DDR2: variants seen among roughly 807,000 people sequenced by gnomAD.
The protein encoded by DDR2 is discoidin domain-containing receptor 2.
A neutral mutation model predicts 94.9 loss-of-function variants in DDR2; 27 were observed. The ratio of observed to expected loss-of-function variants is 0.28; its 90% CI spans 0.21 to 0.39. The LOEUF (loss-of-function observed/expected upper bound fraction) is 0.39. DDR2 is among the 10% of genes least tolerant of loss of function. The probability of loss-of-function intolerance (pLI) is 1.00; values close to 1 mark genes in which losing one functional copy is unlikely to be tolerated. For missense variants in DDR2, 783 were observed against 1,076.0 expected (o/e 0.73, Z 3.81); for synonymous variants, 382 against 377.2 (o/e 1.01, Z -0.15).
intron 3 of DDR2, among the ~76,000 whole-genome samples, chr1:162,729,799 A>G (rs1339942065): frequency 6.6e-6 from 1 of 151,586 alleles, no homozygotes; most frequent in Non-Finnish European, 1.5e-5. Context: ...GCTGGAGTGC[A>G]ATGGCGCAAT....
intron 7 of DDR2, among the ~76,000 whole-genome samples, chr1:162,759,223 A>G (rs1354736469): frequency 6.6e-6 from 1 of 152,114 alleles, no homozygotes; most frequent in Non-Finnish European, 1.5e-5. Flanking sequence ...TTAATATCAA[A>G]CTGGGTTGTT....
intron 3 of DDR2, among the ~76,000 whole-genome samples, chr1:162,734,823 G>A (rs1201172422): frequency 6.6e-6 from 1 of 152,186 alleles, no homozygotes; most frequent in South Asian, 2.1e-4. Flanking sequence ...TGGACCTCAA[G>A]GGTCACATTT....
At chr1:162,704,792 C>A (rs1049539663) in intron 2 of DDR2, among the ~76,000 whole-genome samples, 1 of 152,300 alleles carries the variant, frequency 6.6e-6, no homozygotes, top group East Asian at 1.9e-4. Flanking sequence ...GGGGAACACA[C>A]ACATCCAGTC....
intron 2 of DDR2, among the ~76,000 whole-genome samples, chr1:162,715,059 C>T (rs558815643): frequency 6.6e-5 from 10 of 152,204 alleles, no homozygotes; most frequent in South Asian, 4.2e-4. Context: ...AAGACTCATT[C>T]GAAGGTGCAG....
intron 3 of DDR2, among the ~76,000 whole-genome samples, chr1:162,724,624 C>T (rs1424883644): frequency 2.6e-5 from 4 of 152,220 alleles, no homozygotes; most frequent in Admixed American, 2.0e-4. Flanking sequence ...TTTTGTTTCC[C>T]TGGCTTCTCG....
intron 2 of DDR2, among the ~76,000 whole-genome samples, chr1:162,688,129 C>A (rs756618056): frequency 2.1e-4 from 32 of 152,186 alleles, no homozygotes; most frequent in Non-Finnish European, 4.0e-4. Context: ...GTGGCTTCTA[C>A]CAATGGGAAT....
intron 2 of DDR2, among the ~76,000 whole-genome samples, chr1:162,705,403 TG>T (rs1228105415): frequency 6.6e-6 from 1 of 152,168 alleles, no homozygotes; most frequent in Admixed American, 6.5e-5. Context: ...GTGGTCTGGA[TG>T]GGGATGATGA....
intron 2 of DDR2, among the ~76,000 whole-genome samples, chr1:162,666,400 A>G (rs781462072): frequency 6.6e-6 from 1 of 152,224 alleles, no homozygotes. Flanking sequence ...GAATGAGCAA[A>G]TGAAGGACAG....
chr1:162,713,425 G>A (rs574388698), intron 2 of DDR2, among the ~76,000 whole-genome samples: 2 of 152,184 alleles, frequency 1.3e-5, no homozygotes, highest in South Asian at 4.2e-4. Flanking sequence ...TACAAATAAG[G>A]CTAAAGTCTC....
At position 162,751,938 on chromosome 1, in the gene DDR2, T is replaced by A. The variant is rs557745325; in HGVS notation, c.83-1157T>A. The stretch of plus-strand genomic sequence containing the variant: ...GCATGTTCTCACTCATGAGTGGGAA[T>A]TGAACAGTGAGAACACCTGGACACA... On this transcript the variant is annotated intron_variant, in intron 3 of 17. Coordinates refer to ENST00000367921, the MANE Select transcript of DDR2 (RefSeq NM_006182.4). 2.0e-3 allele frequency among the ~76,000 whole-genome samples: 307 copies of A among 152,180 alleles called. 2 individuals carry two copies. Among genetic ancestry groups the A allele is most frequent in the South Asian group, 9.6e-3 (46 of 4,812 alleles).
At chr1:162,719,600 C>T (rs139565075) in intron 3 of DDR2, among the ~76,000 whole-genome samples, 748 of 152,220 alleles carry the variant, frequency 4.9e-3, no homozygotes, top group Middle Eastern at 0.01. Context: ...GTTCTCTTTC[C>T]TCTAGGATGT....
intron 2 of DDR2, among the ~76,000 whole-genome samples, chr1:162,656,199 T>C (rs1475803301): frequency 6.6e-6 from 1 of 152,176 alleles, no homozygotes; most frequent in African/African-American, 2.4e-5. Flanking sequence ...TTCATGCCTG[T>C]GCCTCTAGCA....
In DDR2 at chr1:162,640,044, A is replaced by AT. The variant is rs879795108; in HGVS notation, c.-192+7428dup. On this transcript the variant is annotated intron_variant, in intron 1 of 17. Transcript: ENST00000367921. ...CAAACAATGTACTTTGGGTGAAATG[A>AT]TTTTTTTTTTTTTTTGAGATGAAGT... Among the ~76,000 whole-genome samples, 843 of 142,806 alleles carry AT rather than the reference A, an allele frequency of 5.9e-3. 5 individuals are homozygous for AT. Among genetic ancestry groups the AT allele is most frequent in the Non-Finnish European group, 5.8e-3 (375 of 64,714 alleles). The allele number at this position is 142,806 out of a possible 152,430, so 93.7% of individuals were successfully genotyped here.
intron 2 of DDR2, among the ~76,000 whole-genome samples, chr1:162,668,717 T>A (rs750715580): frequency 5.2e-4 from 79 of 152,196 alleles, no homozygotes; most frequent in Non-Finnish European, 9.6e-4. Flanking sequence ...CCAGATAACC[T>A]CATTTTAACT....
At chr1:162,672,693 T>C (rs1172412522) in intron 2 of DDR2, among the ~76,000 whole-genome samples, 1 of 152,180 alleles carries the variant, frequency 6.6e-6, no homozygotes, top group Non-Finnish European at 1.5e-5. Context: ...ACTCATAGTA[T>C]TGTGGTAAAA....
chr1:162,692,986 A>G (rs1007028826), intron 2 of DDR2, among the ~76,000 whole-genome samples: 1 of 152,230 alleles, frequency 6.6e-6, no homozygotes, highest in Non-Finnish European at 1.5e-5. Flanking sequence ...TTTTTAAACT[A>G]TGAAAAAGCA....
intron 2 of DDR2, among the ~76,000 whole-genome samples, chr1:162,696,308 T>G (rs977099063): frequency 6.6e-6 from 1 of 151,576 alleles, no homozygotes; most frequent in Non-Finnish European, 1.5e-5. Context: ...TGAGTGTGCA[T>G]GCTCTGAGCA....
At chr1:162,646,898 T>G (rs1316618815) in intron 1 of DDR2, among the ~76,000 whole-genome samples, 1 of 152,220 alleles carries the variant, frequency 6.6e-6, no homozygotes, top group Non-Finnish European at 1.5e-5. Context: ...ACATTTTGTG[T>G]AAAACTGCAT....
At chr1:162,709,710 G>A (rs978502212) in intron 2 of DDR2, among the ~76,000 whole-genome samples, 4 of 152,202 alleles carry the variant, frequency 2.6e-5, no homozygotes, top group African/African-American at 9.7e-5. Flanking sequence ...AGAAGGTACG[G>A]TGGGAAAGAA....
Sources: gnomAD v4.1 joint callset for allele counts (sites outside exome capture counted in the v4.1 genomes callset) on GRCh38, gnomAD v4.1.1 for gene constraint, MANE v1.5 for transcripts, NCBI Gene and HGNC (gene_info 2026-07-23, HGNC 2026-07-21) for gene names.